Variants in ABR observed in about 807,000 individuals in gnomAD.
ABR encodes active breakpoint cluster region-related protein.
Under a neutral mutation model 107.2 loss-of-function variants are expected in ABR, and 35 were observed. The ratio of observed to expected loss-of-function variants is 0.33; its 90% CI spans 0.25 to 0.43. The LOEUF is 0.43. Ranked by LOEUF, ABR falls within the 20% of genes least tolerant of loss-of-function variation. The pLI, the probability that ABR is intolerant of heterozygous loss-of-function variation, is 1.00. For missense variants in ABR, 815 were observed against 1,115.2 expected, an observed-to-expected ratio of 0.73 and a Z score of 3.83; for synonymous variants, 498 against 462.0, an observed-to-expected ratio of 1.08 and a Z score of -1.00.
At position 1,150,633 on chromosome 17, in the gene ABR, TG is replaced by T. The variant is rs1465880025; in HGVS notation, c.62-25267del. On this transcript the variant is annotated intron_variant, in intron 1 of 22. Transcript: ENST00000302538. This position sits in a 1 kb window ranked among gnomAD's most constrained non-coding sequence, Gnocchi z 4.8. ...CCAGTCCTAGATCTGAGCTCCTTCC[TG>T]GGAGTCCAGGGCCCTTCACAAGTTT... Among the ~76,000 whole-genome samples the T allele has an allele frequency of 6.6e-6, 1 of 152,210 alleles. No individual in the cohort carries two copies. The highest frequency in any genetic ancestry group is 3.2e-3 in the Middle Eastern group (1 of 316).
intron 16 of ABR, among the ~76,000 whole-genome samples, chr17:1,043,281 C>T (rs1191523131): frequency 6.6e-6 from 1 of 152,164 alleles, no homozygotes; most frequent in Non-Finnish European, 1.5e-5. Flanking sequence ...AATTCTCCAG[C>T]CTCAGTGTCC....
In ABR at chr17:1,058,787, G is replaced by A. The variant is rs988518151; in HGVS notation, c.1263C>T (p.Asn421=). The change falls in exon 11 of 23, where the codon AAC becomes AAT. Residue 421 remains asparagine (N), a synonymous_variant. Coordinates refer to ENST00000302538, the MANE Select transcript of ABR (RefSeq NM_021962.5). ...GGATCCTGAACGGGATTGTGGGGGA[G>A]TTGAGCAGCAGCAGGAACTCATTCT... is the stretch of plus-strand genomic sequence containing the variant. ...MFENEFLLLL[N]SPTIPFRIHN... 2.5e-6 allele frequency: 4 copies of A among 1,614,174 alleles called. No individual in the cohort carries two copies. The Admixed American group carries it at 6.7e-5, about 27-fold the overall frequency.
intron 16 of ABR, among the ~76,000 whole-genome samples, chr17:1,046,309 T>C (rs1333781695): frequency 1.4e-5 from 2 of 139,586 alleles, no homozygotes; most frequent in African/African-American, 2.5e-5. Context: ...AGCTAATTCT[T>C]GTATTTTTAG....
chr17:1,179,856 C>G lies in ABR; in HGVS notation c.-129G>C. ...GGGCGAGGAGGCCGGGAACCAGGTC[C>G]CCGGGAGGAGCGCGGGGCGGCCGGG... On this transcript the variant is annotated 5_prime_UTR_variant, in exon 1 of 23. Coordinates refer to ENST00000302538, the MANE Select transcript of ABR (RefSeq NM_021962.5). The surrounding 1 kb of genome is among the most constrained non-coding windows in gnomAD (Gnocchi z 4.9). The G allele has an allele frequency of 2.0e-6, 2 of 992,422 alleles. No homozygotes were observed. Among genetic ancestry groups the G allele is most frequent in the Non-Finnish European group, 2.7e-6 (2 of 736,418 alleles). The allele number at this position is 992,422 out of a possible 1,614,324, so 61.5% of individuals were successfully genotyped here.
intron 17 of ABR, 85 bp downstream of exon 17, chr17:1,013,020 C>G (rs1388449975): frequency 6.6e-7 from 1 of 1,509,850 alleles, no homozygotes; most frequent in Non-Finnish European, 9.2e-7. Flanking sequence ...GCCCCAGGAG[C>G]AGCCACAGGG....
chr17:1,217,220 C>T (rs1290870536), intron 1 of ABR, among the ~76,000 whole-genome samples: 1 of 152,226 alleles, frequency 6.6e-6, no homozygotes, highest in Non-Finnish European at 1.5e-5. Flanking sequence ...CCCCAGAGCA[C>T]AGTGCGGCCG....
At position 1,197,145 on chromosome 17, in the gene ABR, G is replaced by A. The variant is rs910537513; in HGVS notation, c.838+31648C>T. On this transcript the variant is annotated intron_variant, in intron 1 of 22. Transcript: ENST00000574139. Reference sequence around the variant, plus strand: ...TCTCGGGGGCATCTCTTTCTTCAAGGCAGCCCCCAGCCCTGCCTGGCCCAG... The same window carrying A: ...TCTCGGGGGCATCTCTTTCTTCAAGACAGCCCCCAGCCCTGCCTGGCCCAG... 9.2e-5 allele frequency among the ~76,000 whole-genome samples: 14 copies of A among 151,490 alleles called. 2 individuals carry two copies. The highest frequency in any genetic ancestry group is 3.4e-4 in the African/African-American group (14 of 40,868).
chr17:1,073,560 AC>A, intron 7 of ABR, 64 bp downstream of exon 7: 1 of 1,328,830 alleles, frequency 7.5e-7, no homozygotes, highest in Non-Finnish European at 1.0e-6. Context: ...GCACCCTCTC[AC>A]CCAGGCTCAG....
intron 1 of ABR, among the ~76,000 whole-genome samples, chr17:1,155,194 G>T (rs1289496895): frequency 6.6e-6 from 1 of 152,084 alleles, no homozygotes. Flanking sequence ...GTCAGGCTGG[G>T]GGCATCTTTC....
chr17:1,100,816 T>A, intron 2 of ABR, 81 bp from the exon 3 acceptor site: 1 of 1,316,490 alleles, frequency 7.6e-7, no homozygotes, highest in South Asian at 1.2e-5. Flanking sequence ...TCCCTGCCCT[T>A]CCCCCCCGAC....
In ABR at chr17:1,004,968, A is replaced by G. The variant is rs1382564138; in HGVS notation, c.*1112T>C. On this transcript the variant is annotated 3_prime_UTR_variant, in exon 23 of 23. Coordinates refer to ENST00000302538, the MANE Select transcript of ABR (RefSeq NM_021962.5). ...GCCAGGGAGCTCCTGGCTGCAGCCT[A>G]CCTGCCTGGACACCTGCTTCGGCCA... 2.5e-6 allele frequency: 1 copy of G among 398,862 alleles called. No individual in the cohort carries two copies. Among genetic ancestry groups the G allele is most frequent in the Non-Finnish European group, 4.4e-6 (1 of 226,192 alleles). 24.7% of individuals were successfully genotyped at this position (398,862 alleles called of 1,614,324 possible).
At position 1,032,999 on chromosome 17, in the gene ABR, G is replaced by C. The variant is rs183961910; in HGVS notation, c.1791+17051C>G. Among the ~76,000 whole-genome samples the C allele has an allele frequency of 3.2e-4, 48 of 152,298 alleles. No individual in the cohort carries two copies. The East Asian group carries it at 8.1e-3, about 26-fold the overall frequency. On this transcript the variant is annotated intron_variant, in intron 16 of 22. Coordinates refer to ENST00000302538, the MANE Select transcript of ABR (RefSeq NM_021962.5). ...CCTGTTCTAGAGAGGTGAGGACAGG[G>C]GGTCAGGAGGTCCAGTTCTTGCCAG...
At position 1,204,092 on chromosome 17, in the gene ABR, C is replaced by CA. The variant is rs540183793; in HGVS notation, c.838+24700_838+24701insT. ...CATCTCGGCCTGGGCCCCGCAGAAG[C>CA]CACCACCAGGGCTCCTGGATTCCAC... On this transcript the variant is annotated intron_variant, in intron 1 of 22. Coordinates refer to the ABR transcript ENST00000574139. Among the ~76,000 whole-genome samples, 347 of 152,330 alleles carry CA rather than the reference C, an allele frequency of 2.3e-3. 2 individuals carry two copies. The highest frequency in any genetic ancestry group is 8.1e-3 in the African/African-American group (335 of 41,584).
chr17:1,022,997 T>A (rs1395639814), intron 16 of ABR, among the ~76,000 whole-genome samples: 1 of 145,846 alleles, frequency 6.9e-6, no homozygotes, highest in Admixed American at 6.7e-5. Flanking sequence ...CTGCCCCACG[T>A]CCGCTCCAGA....
intron 9 of ABR, 86 bp from the exon 10 acceptor site, chr17:1,067,328 T>G: frequency 1.6e-6 from 2 of 1,240,698 alleles, no homozygotes; most frequent in Non-Finnish European, 2.1e-6. Context: ...ACAGAACCAC[T>G]GACAGGGGTT....
chr17:1,110,346 TGA>T (rs781520937), intron 2 of ABR, among the ~76,000 whole-genome samples: 122 of 152,022 alleles, frequency 8.0e-4, no homozygotes, highest in Non-Finnish European at 1.5e-3. Flanking sequence ...ACGGCACCCA[TGA>T]GGGTGCGGGT....
intron 16 of ABR, among the ~76,000 whole-genome samples, chr17:1,015,996 C>T (rs533170378): frequency 6.6e-6 from 1 of 152,240 alleles, no homozygotes. Context: ...TCGAGACCAG[C>T]CTGGGCAATG....
At chr17:1,009,870 G>C in intron 20 of ABR, 86 bp from the exon 21 acceptor site, 1 of 1,214,146 alleles carries the variant, frequency 8.2e-7, no homozygotes, top group Non-Finnish European at 1.2e-6. Flanking sequence ...GGGCCCCTGC[G>C]GGAGAGAGCC....
At chr17:1,227,146 G>C (rs1038178837) in intron 1 of ABR, among the ~76,000 whole-genome samples, 2 of 152,188 alleles carry the variant, frequency 1.3e-5, no homozygotes, top group Non-Finnish European at 2.9e-5. Context: ...AGCATCTTTT[G>C]CAATTCCCAG....
Sources: gnomAD v4.1 joint callset for allele counts (sites outside exome capture counted in the v4.1 genomes callset) on GRCh38, gnomAD v4.1.1 for gene constraint, Gnocchi (gnomAD v3.1) non-coding constraint, MANE v1.5 for transcripts, NCBI Gene and HGNC (gene_info 2026-07-23, HGNC 2026-07-21) for gene names.